Variants in SUPT3H observed in about 807,000 individuals in gnomAD.
The protein encoded by SUPT3H is SPT3 homolog, SAGA and STAGA complex component.
In SUPT3H, 44 loss-of-function variants were observed where a neutral mutation model predicts 44.3. The observed-to-expected ratio is 0.99, with a 90% CI of 0.78 to 1.28. The LOEUF is 1.28. Ranked by LOEUF, SUPT3H falls within the 50% of genes most tolerant of loss-of-function variation. The pLI is 0.00. For synonymous variants in SUPT3H, 124 were observed against 125.6 expected, an observed-to-expected ratio of 0.99 and a Z score of 0.09; for missense variants, 380 against 387.1, an observed-to-expected ratio of 0.98 and a Z score of 0.15.
chr6:45,165,747 A>C (rs749852647), intron 2 of SUPT3H, among the ~76,000 whole-genome samples: 8 of 152,198 alleles, frequency 5.3e-5, no homozygotes, highest in Non-Finnish European at 1.2e-4. Flanking sequence ...GACATAGCTA[A>C]AGGAAGAATC....
chr6:45,144,402 A>G (rs1805701045), intron 2 of SUPT3H, among the ~76,000 whole-genome samples: 1 of 152,164 alleles, frequency 6.6e-6, no homozygotes, highest in African/African-American at 2.4e-5. Context: ...TTAAAACAAC[A>G]GTCATATGAT....
intron 2 of SUPT3H, among the ~76,000 whole-genome samples, chr6:45,205,769 C>A (rs548353464): frequency 6.6e-6 from 1 of 151,984 alleles, no homozygotes; most frequent in Non-Finnish European, 1.5e-5. Flanking sequence ...TCTACTCCAG[C>A]CTGGGTGACA....
intron 2 of SUPT3H, among the ~76,000 whole-genome samples, chr6:45,187,101 TAAAAAAAA>T (rs70996308): frequency 1.3e-5 from 1 of 79,842 alleles, no homozygotes; most frequent in Non-Finnish European, 2.3e-5. Context: ...TTTTCGCCTT[TAAAAAAAA>T]AAAAAAAAAA....
Position 45,163,929 on chromosome 6 carries a change from T to A in SUPT3H, c.102-57923A>T, listed in dbSNP as rs193207277. On this transcript the variant is annotated intron_variant, in intron 2 of 10. Transcript: ENST00000371459. ...AAAGTAAATAGTTGATCCTTATTATTTGCAATCCCGTATTTGTGAATCAGC... is the reference window on the plus strand; with the variant it reads ...AAAGTAAATAGTTGATCCTTATTATATGCAATCCCGTATTTGTGAATCAGC... Among the ~76,000 whole-genome samples the A allele has an allele frequency of 2.3e-4, 35 of 152,294 alleles. No individual in the cohort carries two copies. The East Asian group carries it at 5.8e-3, about 25-fold the overall frequency.
At chr6:45,016,953 C>G (rs561451547) in intron 4 of SUPT3H, among the ~76,000 whole-genome samples, 3 of 150,382 alleles carry the variant, frequency 2.0e-5, no homozygotes, top group Non-Finnish European at 4.4e-5. Context: ...AGTTTACAGT[C>G]CCACCAACAG....
At chr6:45,061,425 A>G (rs910408620) in intron 3 of SUPT3H, among the ~76,000 whole-genome samples, 9 of 152,156 alleles carry the variant, frequency 5.9e-5, no homozygotes, top group African/African-American at 2.2e-4. Flanking sequence ...TGTGGGGAAC[A>G]ACACATGGGG....
intron 2 of SUPT3H, among the ~76,000 whole-genome samples, chr6:45,282,938 C>T (rs957174585): frequency 6.6e-6 from 1 of 152,156 alleles, no homozygotes; most frequent in African/African-American, 2.4e-5. Flanking sequence ...ATTCAACATT[C>T]TTAAGGAAAA....
intron 3 of SUPT3H, among the ~76,000 whole-genome samples, chr6:45,046,152 C>A (rs1055695203): frequency 6.6e-6 from 1 of 152,170 alleles, no homozygotes; most frequent in South Asian, 2.1e-4. Context: ...CACATGGATA[C>A]CCAGTTGCTT....
intron 3 of SUPT3H, among the ~76,000 whole-genome samples, chr6:45,038,946 CTAGATT>C (rs2153528628): frequency 6.6e-6 from 1 of 152,162 alleles, no homozygotes; most frequent in African/African-American, 2.4e-5. Context: ...TAGCATGTAA[CTAGATT>C]TAATCATCAG....
chr6:45,254,830 A>G (rs1033171860), intron 2 of SUPT3H, among the ~76,000 whole-genome samples: 20 of 152,180 alleles, frequency 1.3e-4, no homozygotes, highest in East Asian at 5.8e-4. Context: ...TAAACAATTC[A>G]TAAGTTTTCA....
chr6:44,977,637 A>T (rs1778521883), intron 6 of SUPT3H, among the ~76,000 whole-genome samples: 1 of 152,134 alleles, frequency 6.6e-6, no homozygotes, highest in Non-Finnish European at 1.5e-5. Context: ...GTTTTTCACC[A>T]AGGTAAAATA....
intron 10 of SUPT3H, among the ~76,000 whole-genome samples, chr6:44,924,482 G>A (rs1179049515): frequency 6.6e-6 from 1 of 151,938 alleles, no homozygotes; most frequent in Non-Finnish European, 1.5e-5. Flanking sequence ...TTTAGTTTAG[G>A]AAATGCTGTA....
intron 3 of SUPT3H, among the ~76,000 whole-genome samples, chr6:45,063,146 C>T (rs1792480447): frequency 6.9e-6 from 1 of 145,654 alleles, no homozygotes; most frequent in Admixed American, 6.9e-5. Context: ...CAAGTGGGTC[C>T]CTGACCCCTG....
chr6:44,988,519 TAAA>T (rs66489332), intron 6 of SUPT3H, among the ~76,000 whole-genome samples: 31,951 of 101,376 alleles, frequency 0.32, 2,959 homozygotes, highest in Middle Eastern at 0.43. Flanking sequence ...AAGGCTTAAA[TAAA>T]AAAAAAAAAA....
At position 45,265,027 on chromosome 6, in the gene SUPT3H, G is replaced by C. The variant is rs571668030; in HGVS notation, c.101+100174C>G. Among the ~76,000 whole-genome samples, 6 of 152,210 alleles carry C rather than the reference G, an allele frequency of 3.9e-5. No individual in the cohort carries two copies. The South Asian group carries it at 1.2e-3, about 32-fold the overall frequency. On this transcript the variant is annotated intron_variant, in intron 2 of 10. Coordinates refer to ENST00000371459, the MANE Select transcript of SUPT3H (RefSeq NM_003599.4). ...CCCCTATGAAGTATTGGAGTGAGAA[G>C]ACAACAGCTCTAGTTACAATGAATT...
intron 3 of SUPT3H, among the ~76,000 whole-genome samples, chr6:45,086,618 TA>T (rs1004546501): frequency 6.6e-6 from 1 of 151,944 alleles, no homozygotes; most frequent in African/African-American, 2.4e-5. Context: ...ATCTTGGTTT[TA>T]AAAACTCCCT....
At chr6:45,135,297 T>C (rs940278607) in intron 2 of SUPT3H, among the ~76,000 whole-genome samples, 18 of 152,148 alleles carry the variant, frequency 1.2e-4, no homozygotes, top group African/African-American at 4.3e-4. Flanking sequence ...CTATATACAG[T>C]AATCTCTTTA....
chr6:45,212,481 ATGTG>A (rs11269206), intron 2 of SUPT3H, among the ~76,000 whole-genome samples: 1,931 of 41,870 alleles, frequency 0.046, 44 homozygotes, highest in Admixed American at 0.061. Flanking sequence ...CACCTCCACT[ATGTG>A]TGTGTGTGTG....
chr6:45,008,439 C>T (rs1044746013), intron 5 of SUPT3H, among the ~76,000 whole-genome samples: 1 of 152,158 alleles, frequency 6.6e-6, no homozygotes, highest in Non-Finnish European at 1.5e-5. Flanking sequence ...ACTGCAGCCT[C>T]TAACTCCTGG....
Sources: gnomAD v4.1 joint callset for allele counts (sites outside exome capture counted in the v4.1 genomes callset) on GRCh38, gnomAD v4.1.1 for gene constraint, MANE v1.5 for transcripts, NCBI Gene and HGNC (gene_info 2026-07-23, HGNC 2026-07-21) for gene names.